The following PPM1H variants were observed in gnomAD, a reference collection of about 807,000 sequenced individuals.
PPM1H encodes protein phosphatase, Mg2+/Mn2+ dependent 1H, also known as protein phosphatase 1H.
In PPM1H, 27 loss-of-function variants were observed where a neutral mutation model predicts 54.9. The observed-to-expected ratio is 0.49, with a 90% CI of 0.36 to 0.68. The LOEUF (loss-of-function observed/expected upper bound fraction) is 0.68, where lower values mean the gene tolerates loss of function less well. Among genes scored for constraint, PPM1H ranks in the 30% least tolerant of loss-of-function variants. PPM1H has a pLI of 0.00. For synonymous variants in PPM1H, 305 were observed against 270.8 expected (o/e 1.13, Z -1.24); for missense variants, 596 against 667.8 (o/e 0.89, Z 1.19).
intron 6 of PPM1H, among the ~76,000 whole-genome samples, chr12:62,705,741 C>A (rs777409150): frequency 1.8e-4 from 28 of 152,150 alleles, no homozygotes; most frequent in Non-Finnish European, 3.4e-4. Context: ...ACTTCATGAG[C>A]ACACAAATGT....
intron 1 of PPM1H, among the ~76,000 whole-genome samples, chr12:62,843,646 TC>T (rs1868841888): frequency 6.6e-6 from 1 of 152,202 alleles, no homozygotes; most frequent in Non-Finnish European, 1.5e-5. Flanking sequence ...ATATATTTTT[TC>T]CAAGGCAAGC....
intron 2 of PPM1H, among the ~76,000 whole-genome samples, chr12:62,827,901 T>C (rs975037855): frequency 1.3e-5 from 2 of 152,118 alleles, no homozygotes; most frequent in African/African-American, 4.8e-5. Flanking sequence ...ACTCACTCCA[T>C]TGTAGTACCA....
chr12:62,668,959 G>A (rs1184075899), intron 8 of PPM1H, among the ~76,000 whole-genome samples: 1 of 152,218 alleles, frequency 6.6e-6, no homozygotes, highest in Non-Finnish European at 1.5e-5. Context: ...CTGGGTGAAT[G>A]AGCTCAAATG....
intron 4 of PPM1H, among the ~76,000 whole-genome samples, chr12:62,778,641 T>G (rs1239491235): frequency 6.6e-6 from 1 of 152,192 alleles, no homozygotes. Flanking sequence ...TTACTTAAGA[T>G]CCTCAAAGTC....
chr12:62,824,971 A>C (rs759606906), intron 2 of PPM1H, among the ~76,000 whole-genome samples: 5 of 152,186 alleles, frequency 3.3e-5, no homozygotes, highest in Non-Finnish European at 7.3e-5. Flanking sequence ...GACAACCTAC[A>C]GAATGGGAGA....
intron 4 of PPM1H, among the ~76,000 whole-genome samples, chr12:62,756,615 C>G (rs886509573): frequency 2.0e-5 from 3 of 151,874 alleles, no homozygotes; most frequent in Non-Finnish European, 2.9e-5. Context: ...CCAGGGAATA[C>G]TAAGACTCAG....
At chr12:62,686,153 C>G (rs2076050170) in intron 8 of PPM1H, among the ~76,000 whole-genome samples, 2 of 152,222 alleles carry the variant, frequency 1.3e-5, no homozygotes. Context: ...ACCTGGGATT[C>G]TTACCGAGTT....
At chr12:62,790,178 A>T (rs562780759) in intron 3 of PPM1H, among the ~76,000 whole-genome samples, 9 of 152,208 alleles carry the variant, frequency 5.9e-5, no homozygotes, top group Non-Finnish European at 1.0e-4. Context: ...ATTTACCAGC[A>T]ACTGCTTTGC....
chr12:62,669,881 G>C (rs147528998), intron 8 of PPM1H, among the ~76,000 whole-genome samples: 2 of 150,756 alleles, frequency 1.3e-5, no homozygotes, highest in Non-Finnish European at 2.9e-5. Context: ...TGAGGCTGTG[G>C]TGAGCCATGA....
chr12:62,681,609 T>C (rs2136628573), intron 8 of PPM1H, among the ~76,000 whole-genome samples: 1 of 152,350 alleles, frequency 6.6e-6, no homozygotes, highest in Admixed American at 6.5e-5. Flanking sequence ...GACGATTTCT[T>C]CCTTTCTTTA....
At chr12:62,900,789 G>C (rs1871146109) in intron 1 of PPM1H, among the ~76,000 whole-genome samples, 1 of 152,186 alleles carries the variant, frequency 6.6e-6, no homozygotes, top group Admixed American at 6.5e-5. Context: ...AGGGGACATA[G>C]TACAGATAGG....
chr12:62,706,950 G>A (rs1056289371), intron 6 of PPM1H, among the ~76,000 whole-genome samples: 2 of 152,172 alleles, frequency 1.3e-5, no homozygotes, highest in African/African-American at 4.8e-5. Context: ...CAATACTGCA[G>A]ATGTACAAGA....
rs1413625108 is a variant in PPM1H at position 62,720,183 on chromosome 12, T to G, written c.1061A>C (p.Asn354Thr). 2.5e-6 allele frequency: 4 copies of G among 1,605,130 alleles called. No individual in the cohort carries two copies. In the South Asian group the frequency reaches 4.4e-5, roughly 18 times the overall value. Reference sequence around the variant, plus strand: ...GGCATGTTCTTACCAGCCTGTCATATTAAAGTCCCTGTAGAGCATCTTCTT... The same window carrying G: ...GGCATGTTCTTACCAGCCTGTCATAGTAAAGTCCCTGTAGAGCATCTTCTT... ...LGKKMLYRDF[N>T]MTGWAYKTIE... The change falls in exon 6 of 10, where the codon AAT becomes ACT. Residue 354 changes from asparagine (N) to threonine (T), a missense_variant. Asn to Thr is a moderately conservative substitution (Grantham distance 65, BLOSUM62 0). Coordinates refer to ENST00000228705, the MANE Select transcript of PPM1H (RefSeq NM_020700.2).
intron 1 of PPM1H, among the ~76,000 whole-genome samples, chr12:62,862,167 G>A (rs931013477): frequency 6.6e-6 from 1 of 152,170 alleles, no homozygotes; most frequent in Non-Finnish European, 1.5e-5. Context: ...GCGGGCTGCT[G>A]ACCTAAAAAG....
At chr12:62,838,504 G>A (rs1046084488) in intron 1 of PPM1H, among the ~76,000 whole-genome samples, 1 of 152,152 alleles carries the variant, frequency 6.6e-6, no homozygotes, top group Non-Finnish European at 1.5e-5. Flanking sequence ...CCTAGCTGCA[G>A]TAATAACCTC....
chr12:62,664,087 A>T (rs111260718), intron 9 of PPM1H, among the ~76,000 whole-genome samples: 1 of 1,174 alleles, frequency 8.5e-4, no homozygotes, highest in Non-Finnish European at 1.6e-3. Flanking sequence ...GGCCTCACTC[A>T]GAAATATCTT....
At chr12:62,689,509 G>A (rs1436003373) in intron 8 of PPM1H, among the ~76,000 whole-genome samples, 190 bp downstream of exon 8, 1 of 152,190 alleles carries the variant, frequency 6.6e-6, no homozygotes, top group East Asian at 1.9e-4. Flanking sequence ...CTGGGTAAGA[G>A]GTGATGAAGG....
intron 8 of PPM1H, among the ~76,000 whole-genome samples, chr12:62,675,784 G>T (rs111661833): frequency 0.014 from 2,153 of 152,234 alleles, 34 homozygotes; most frequent in Middle Eastern, 0.044. Context: ...TACTTCACAG[G>T]ACTCTTCACC....
intron 2 of PPM1H, among the ~76,000 whole-genome samples, chr12:62,812,846 C>T (rs1005967567): frequency 1.3e-5 from 2 of 150,262 alleles, no homozygotes; most frequent in Non-Finnish European, 3.0e-5. Context: ...CAAGATTGTT[C>T]CAAACAGAAA....
Sources: gnomAD v4.1 joint callset for allele counts (sites outside exome capture counted in the v4.1 genomes callset) on GRCh38, gnomAD v4.1.1 for gene constraint, MANE v1.5 for transcripts, NCBI Gene and HGNC (gene_info 2026-07-23, HGNC 2026-07-21) for gene names.